Variants in RBMS3 observed in about 807,000 individuals in gnomAD.
The protein encoded by RBMS3 is RNA binding motif single stranded interacting protein 3.
A neutral mutation model predicts 66.8 loss-of-function variants in RBMS3; 27 were observed. The observed-to-expected ratio is 0.40, with a 90% CI of 0.30 to 0.56. The LOEUF is 0.56. Ranked by LOEUF, RBMS3 falls within the 20% of genes least tolerant of loss-of-function variation. The pLI, the probability that RBMS3 is intolerant of heterozygous loss-of-function variation, is 0.40. For synonymous variants in RBMS3, 188 were observed against 183.0 expected (o/e 1.03, Z -0.22); for missense variants, 513 against 549.5 (o/e 0.93, Z 0.66).
intron 14 of RBMS3, among the ~76,000 whole-genome samples, chr3:29,999,990 C>G (rs1389718205): frequency 6.6e-6 from 1 of 151,910 alleles, no homozygotes; most frequent in African/African-American, 2.4e-5. Context: ...TGGGCAAAGA[C>G]TTCATGCCTA....
At chr3:29,437,057 T>C (rs2041428856) in intron 2 of RBMS3, among the ~76,000 whole-genome samples, 1 of 152,234 alleles carries the variant, frequency 6.6e-6, no homozygotes, top group African/African-American at 2.4e-5. Context: ...TTATTATTTC[T>C]GTGTTTACTT....
In RBMS3 at chr3:29,703,868, A is replaced by G. The variant is rs947321100; in HGVS notation, c.400-35852A>G. On this transcript the variant is annotated intron_variant, in intron 4 of 14. Coordinates refer to ENST00000383767, the MANE Select transcript of RBMS3 (RefSeq NM_001003793.3). ...TGCTGGGCGAGTGAATGAAGCTTTC[A>G]TCTGTATTTACAGCTGCTCCCAATC... Among the ~76,000 whole-genome samples, 5 of 152,100 alleles carry G rather than the reference A, an allele frequency of 3.3e-5. 1 individual carries two copies. In the South Asian group the frequency reaches 8.3e-4, roughly 25 times the overall value.
chr3:29,408,212 C>T (rs1331684013), intron 1 of RBMS3, among the ~76,000 whole-genome samples: 2 of 139,634 alleles, frequency 1.4e-5, no homozygotes, highest in African/African-American at 5.4e-5. Context: ...GCGGAGCTTG[C>T]AGTGAGCCGA....
At chr3:29,440,216 A>G (rs1220763349) in intron 2 of RBMS3, among the ~76,000 whole-genome samples, 1 of 152,174 alleles carries the variant, frequency 6.6e-6, no homozygotes, top group Non-Finnish European at 1.5e-5. Context: ...TCATTATTGT[A>G]TTTATATTTT....
intron 5 of RBMS3, among the ~76,000 whole-genome samples, chr3:29,747,373 T>G (rs867468003): frequency 3.4e-5 from 5 of 146,860 alleles, no homozygotes; most frequent in Admixed American, 1.4e-4. Flanking sequence ...TATCTATCTA[T>G]CTAGGTAGGT....
rs563735972 is a variant in RBMS3 at position 29,671,687 on chromosome 3, T to C, written c.400-68033T>C. On this transcript the variant is annotated intron_variant, in intron 4 of 14. Transcript: ENST00000383767. Reference sequence around the variant, plus strand: ...CAAGTGGAAGAAAGGGTATCAGTGATTGAAGATCAAATTAATGAAATGAAG... The same window carrying C: ...CAAGTGGAAGAAAGGGTATCAGTGACTGAAGATCAAATTAATGAAATGAAG... Among the ~76,000 whole-genome samples the C allele has an allele frequency of 2.0e-5, 3 of 152,276 alleles. No individual in the cohort carries two copies. In the East Asian group the frequency reaches 5.8e-4, roughly 29 times the overall value.
intron 6 of RBMS3, among the ~76,000 whole-genome samples, chr3:29,802,987 T>C (rs895050802): frequency 2.0e-5 from 3 of 152,154 alleles, no homozygotes; most frequent in African/African-American, 2.4e-5. Context: ...AGAAAGGACG[T>C]TGACTTTCTG....
At chr3:29,311,035 T>C (rs753061572) in intron 1 of RBMS3, among the ~76,000 whole-genome samples, 4 of 151,792 alleles carry the variant, frequency 2.6e-5, no homozygotes, top group Non-Finnish European at 2.9e-5. Context: ...CACTGTGTTA[T>C]CACTCCTGAG....
chr3:29,743,992 G>A (rs568053873), intron 5 of RBMS3, among the ~76,000 whole-genome samples: 20 of 146,032 alleles, frequency 1.4e-4, no homozygotes, highest in East Asian at 6.1e-4. Context: ...GAGAACATGC[G>A]GTGTTTGGTT....
In RBMS3 at chr3:29,657,885, C is replaced by T. The variant is rs953757412; in HGVS notation, c.399+70680C>T. Among the ~76,000 whole-genome samples, 4 of 152,146 alleles carry T rather than the reference C, an allele frequency of 2.6e-5. No individual in the cohort carries two copies. The East Asian group carries it at 7.7e-4, about 29-fold the overall frequency. ...TCACAAGAATTGCCAACCCAAGTAG[C>T]CATGAAAAGCATAGGTTTATTTAAC... On this transcript the variant is annotated intron_variant, in intron 4 of 14. Transcript: ENST00000383767.
intron 2 of RBMS3, among the ~76,000 whole-genome samples, chr3:29,486,163 G>T (rs1341952723): frequency 6.6e-6 from 1 of 152,078 alleles, no homozygotes; most frequent in Non-Finnish European, 1.5e-5. Flanking sequence ...ATCAGTTGTT[G>T]ACTTTGCAGA....
Position 29,985,240 on chromosome 3 carries a change from G to A in RBMS3, c.1099-2903G>A, listed in dbSNP as rs1023795020. Among the ~76,000 whole-genome samples, 7 of 152,148 alleles carry A rather than the reference G, an allele frequency of 4.6e-5. No homozygotes were observed. In the South Asian group the frequency reaches 6.2e-4, roughly 13 times the overall value. ...GCAGACACCCCTCCCCACACCAAGC[G>A]CCAGCATCCCAAGTGGACTTCAGAC... On this transcript the variant is annotated intron_variant, in intron 12 of 14. Transcript: ENST00000383767.
chr3:29,514,650 C>CATATATATAT (rs10601940), intron 3 of RBMS3, among the ~76,000 whole-genome samples: 3,690 of 103,374 alleles, frequency 0.036, 100 homozygotes, highest in Admixed American at 0.059. Flanking sequence ...GTGATAGGCA[C>CATATATATAT]ATATATATAT....
intron 1 of RBMS3, among the ~76,000 whole-genome samples, chr3:29,283,758 A>G (rs2125409275): frequency 6.6e-6 from 1 of 152,288 alleles, no homozygotes; most frequent in South Asian, 2.1e-4. Flanking sequence ...ATGGTAGTTC[A>G]CATTGATTAT....
chr3:29,331,728 G>T (rs2035668057), intron 1 of RBMS3, among the ~76,000 whole-genome samples: 1 of 149,078 alleles, frequency 6.7e-6, no homozygotes, highest in African/African-American at 2.5e-5. Flanking sequence ...AAATCACAAG[G>T]TTTTTTTCCA....
At chr3:29,549,510 C>T (rs2046107644) in intron 3 of RBMS3, among the ~76,000 whole-genome samples, 1 of 151,660 alleles carries the variant, frequency 6.6e-6, no homozygotes, top group Non-Finnish European at 1.5e-5. Context: ...AGCAACTCTC[C>T]TGTCTCAGCC....
chr3:29,737,397 T>C (rs541360453), intron 4 of RBMS3, among the ~76,000 whole-genome samples: 49 of 152,324 alleles, frequency 3.2e-4, no homozygotes, highest in African/African-American at 1.2e-3. Context: ...TTTCAAATAA[T>C]TGAAGCTTGA....
chr3:29,864,821 A>AGGAAGGGAAG (rs200725025), intron 6 of RBMS3, among the ~76,000 whole-genome samples: 1 of 140,420 alleles, frequency 7.1e-6, no homozygotes, highest in Non-Finnish European at 1.5e-5. Flanking sequence ...AAAGGAAGGA[A>AGGAAGGGAAG]GGAAGGGAAG....
chr3:29,930,089 T>C (rs972652516), intron 10 of RBMS3, among the ~76,000 whole-genome samples: 1 of 144,270 alleles, frequency 6.9e-6, no homozygotes, highest in South Asian at 2.3e-4. Flanking sequence ...ATGAATACTT[T>C]GTGTCACTTT....
Sources: allele counts gnomAD v4.1 joint callset (sites outside exome capture counted in the v4.1 genomes callset), GRCh38; gene constraint gnomAD v4.1.1; transcripts MANE v1.5; gene names NCBI Gene and HGNC (gene_info 2026-07-23, HGNC 2026-07-21).